The following SGIP1 variants were observed in gnomAD, a reference collection of about 807,000 sequenced individuals.
SGIP1 encodes SH3GL interacting endocytic adaptor 1, also known as SH3-containing GRB2-like protein 3-interacting protein 1.
In SGIP1, 38 loss-of-function variants were observed where a neutral mutation model predicts 107.5. The ratio of observed to expected loss-of-function variants is 0.35; its 90% CI spans 0.27 to 0.46. SGIP1 has a LOEUF of 0.46. SGIP1 is among the 20% of genes least tolerant of loss of function. SGIP1 has a pLI of 1.00. For missense variants in SGIP1, 929 were observed against 1,019.5 expected, an observed-to-expected ratio of 0.91 and a Z score of 1.21; for synonymous variants, 365 against 366.1, an observed-to-expected ratio of 1.00 and a Z score of 0.03.
intron 1 of SGIP1, among the ~76,000 whole-genome samples, chr1:66,581,768 G>A (rs2061858230): frequency 1.3e-5 from 2 of 151,924 alleles, no homozygotes; most frequent in Admixed American, 1.3e-4. Context: ...CGTAATACAT[G>A]GCATCAAATG....
intron 18 of SGIP1, among the ~76,000 whole-genome samples, chr1:66,704,019 T>G (rs1015194391): frequency 6.6e-6 from 1 of 152,016 alleles, no homozygotes; most frequent in Non-Finnish European, 1.5e-5. Flanking sequence ...AAAACTGGAA[T>G]AATAATGGCA....
intron 1 of SGIP1, among the ~76,000 whole-genome samples, chr1:66,539,643 G>C (rs995335483): frequency 6.6e-6 from 1 of 152,112 alleles, no homozygotes; most frequent in Admixed American, 6.5e-5. Context: ...CACTCACACT[G>C]AAAGCCACAC....
At chr1:66,617,294 T>G (rs1053273190) in intron 1 of SGIP1, among the ~76,000 whole-genome samples, 2 of 151,558 alleles carry the variant, frequency 1.3e-5, no homozygotes, top group Non-Finnish European at 2.9e-5. Context: ...CAGTAGTCTA[T>G]CCACGGGAAA....
chr1:66,672,032 G>A, intron 11 of SGIP1, 37 bp downstream of exon 11: 1 of 1,600,654 alleles, frequency 6.2e-7, no homozygotes, highest in Middle Eastern at 1.7e-4. Flanking sequence ...TTTATGCAAG[G>A]CATCATGAAC....
chr1:66,561,665 G>A (rs899170402), intron 1 of SGIP1, among the ~76,000 whole-genome samples: 11 of 152,016 alleles, frequency 7.2e-5, no homozygotes, highest in African/African-American at 2.7e-4. Flanking sequence ...AGGGTGCAAA[G>A]TAAAATACTA....
At chr1:66,633,022 C>G in intron 2 of SGIP1, 48 bp from the exon 3 acceptor site, 6 of 1,250,790 alleles carry the variant, frequency 4.8e-6, no homozygotes, top group Non-Finnish European at 7.0e-6. Flanking sequence ...GTCTATGTGG[C>G]AAGAATGATT....
At chr1:66,636,707 A>G (rs527567668) in intron 4 of SGIP1, among the ~76,000 whole-genome samples, 15 of 152,202 alleles carry the variant, frequency 9.9e-5, no homozygotes, top group South Asian at 2.1e-4. Flanking sequence ...CAGGTCTACC[A>G]CAGTGGAGAA....
At position 66,750,387 on chromosome 1, in the gene SGIP1, A is replaced by G. The variant is rs1489662370; in HGVS notation, c.*7292A>G. On this transcript the variant is annotated 3_prime_UTR_variant, in exon 25 of 25. Transcript: ENST00000371037. The stretch of plus-strand genomic sequence containing the variant: ...ACTTGAACAATGCAAGAATCTAGGA[A>G]TCTCAGAAAGATTTTGCTGTGTTTC... 6.6e-6 allele frequency among the ~76,000 whole-genome samples: 1 copy of G among 152,218 alleles called. No individual in the cohort carries two copies. Among genetic ancestry groups the G allele is most frequent in the African/African-American group, 2.4e-5 (1 of 41,452 alleles).
chr1:66,668,884 G>A lies in SGIP1; in HGVS notation c.483+1343G>A, dbSNP rs1023653363. Among the ~76,000 whole-genome samples, 30 of 152,186 alleles carry A rather than the reference G, an allele frequency of 2.0e-4. 1 individual carries two copies. Among genetic ancestry groups the A allele is most frequent in the Admixed American group, 1.3e-4 (2 of 15,286 alleles). ...GCATTGAAAGGGGGAAAATACAGTC[G>A]CTTGACAAAGGGAGGTTTTTGAATC... is the stretch of plus-strand genomic sequence containing the variant. On this transcript the variant is annotated intron_variant, in intron 9 of 24. Transcript: ENST00000371037.
chr1:66,640,326 G>A (rs1189617192), intron 5 of SGIP1, among the ~76,000 whole-genome samples: 7 of 152,114 alleles, frequency 4.6e-5, no homozygotes, highest in Admixed American at 4.6e-4. Context: ...TGTAGTATTT[G>A]TTCAAAAAAT....
rs182764952 is a variant in SGIP1, at chr1:66,654,367, C to T, written c.460-6146C>T. ...GTGTTCTTTTCTGTGGGTCCTAGTG[C>T]ACATCCAGTGAGATTGTTTTCTCAT... On this transcript the variant is annotated intron_variant, in intron 7 of 24. Transcript: ENST00000371037. Among the ~76,000 whole-genome samples, 106 of 152,188 alleles carry T rather than the reference C, an allele frequency of 7.0e-4. No individual in the cohort carries two copies. The East Asian group carries it at 0.012, about 17-fold the overall frequency.
At chr1:66,613,342 G>GTTTT (rs2068448873) in intron 1 of SGIP1, among the ~76,000 whole-genome samples, 2 of 151,950 alleles carry the variant, frequency 1.3e-5, no homozygotes, top group African/African-American at 4.8e-5. Context: ...GTTTTGTTTT[G>GTTTT]TTTCTGAGTC....
intron 18 of SGIP1, among the ~76,000 whole-genome samples, chr1:66,705,934 A>T (rs1463347499): frequency 6.6e-6 from 1 of 152,002 alleles, no homozygotes; most frequent in Non-Finnish European, 1.5e-5. Context: ...GGGCTTAAAA[A>T]CTGGGTGACG....
intron 18 of SGIP1, among the ~76,000 whole-genome samples, chr1:66,705,873 G>A (rs1421486263): frequency 6.6e-6 from 1 of 152,066 alleles, no homozygotes; most frequent in Non-Finnish European, 1.5e-5. Context: ...CCTGTCGGGA[G>A]TTGGGAGGCA....
intron 1 of SGIP1, among the ~76,000 whole-genome samples, chr1:66,604,981 A>C (rs2066549711): frequency 6.6e-6 from 1 of 152,148 alleles, no homozygotes; most frequent in Admixed American, 6.5e-5. Context: ...AATAGTCACC[A>C]TGTTCTCTAA....
rs770461861 is a variant in SGIP1 at position 66,744,845 on chromosome 1, A to G, written c.*1750A>G. On this transcript the variant is annotated 3_prime_UTR_variant, in exon 25 of 25. Transcript: ENST00000371037. The stretch of plus-strand genomic sequence containing the variant: ...GCAGTCTGGTGTTGAAGTTTCTTTG[A>G]ACGAACTAAATATACTCATTTTATG... The G allele has an allele frequency of 1.4e-4, 21 of 152,452 alleles. No individual in the cohort carries two copies. Among genetic ancestry groups the G allele is most frequent in the Non-Finnish European group, 2.5e-4 (17 of 67,914 alleles). 9.4% of individuals were successfully genotyped at this position (152,452 alleles called of 1,614,324 possible).
Position 66,743,054 on chromosome 1 carries a change from A to G in SGIP1, c.2465-19A>G, listed in dbSNP as rs771493347. The stretch of plus-strand genomic sequence containing the variant: ...TTGAACTACCAGATAACCTGTTGAC[A>G]TGCTGTTTTGTTTTGCAGGAAAATA... On this transcript the variant is annotated intron_variant, in intron 24 of 24. Coordinates refer to ENST00000371037, the MANE Select transcript of SGIP1 (RefSeq NM_032291.4). The G allele has an allele frequency of 4.3e-6, 7 of 1,613,552 alleles. No homozygotes were observed. The East Asian group carries it at 1.3e-4, about 31-fold the overall frequency.
intron 1 of SGIP1, among the ~76,000 whole-genome samples, chr1:66,592,455 A>G (rs2063802659): frequency 1.3e-5 from 2 of 152,384 alleles, no homozygotes; most frequent in Middle Eastern, 3.4e-3. Flanking sequence ...ATCTCAAGGC[A>G]GAAGAATTTC....
At chr1:66,709,626 C>A (rs1312735809) in intron 18 of SGIP1, among the ~76,000 whole-genome samples, 1 of 152,106 alleles carries the variant, frequency 6.6e-6, no homozygotes, top group Non-Finnish European at 1.5e-5. Flanking sequence ...TGAGGTTTGC[C>A]CTTTTTCCTC....
Sources: gnomAD v4.1 joint callset for allele counts (sites outside exome capture counted in the v4.1 genomes callset) on GRCh38, gnomAD v4.1.1 for gene constraint, MANE v1.5 for transcripts, NCBI Gene and HGNC (gene_info 2026-07-23, HGNC 2026-07-21) for gene names.